Variants in TRAK1 observed in about 807,000 individuals in gnomAD.
TRAK1 encodes trafficking kinesin protein 1, also known as trafficking kinesin-binding protein 1.
Under a neutral mutation model 92.1 loss-of-function variants are expected in TRAK1, and 33 were observed. The observed-to-expected ratio is 0.36, with a 90% confidence interval of 0.27 to 0.48. The LOEUF (loss-of-function observed/expected upper bound fraction) is 0.48, where lower values mean the gene tolerates loss of function less well. TRAK1 is among the 20% of genes least tolerant of loss of function. The pLI is 0.99. For synonymous variants in TRAK1, 521 were observed against 517.3 expected, an observed-to-expected ratio of 1.01 and a Z score of -0.10; for missense variants, 1,123 against 1,257.9, an observed-to-expected ratio of 0.89 and a Z score of 1.62.
chr3:42,114,724 T>G (rs1036175001), intron 1 of TRAK1, among the ~76,000 whole-genome samples: 6 of 152,190 alleles, frequency 3.9e-5, no homozygotes, highest in Non-Finnish European at 8.8e-5. Context: ...TTTTTTTCTT[T>G]TTTTTTGAGA....
chr3:42,169,884 A>G (rs1702335723), intron 2 of TRAK1, among the ~76,000 whole-genome samples: 1 of 152,228 alleles, frequency 6.6e-6, no homozygotes, highest in Non-Finnish European at 1.5e-5. Context: ...AAGAGCTGAC[A>G]CTTGGATAGG....
At chr3:42,220,343 G>A (rs1577072666) in intron 15 of TRAK1, among the ~76,000 whole-genome samples, 1 of 152,172 alleles carries the variant, frequency 6.6e-6, no homozygotes, top group Non-Finnish European at 1.5e-5. Flanking sequence ...TTTCACTGCT[G>A]CCAGCAAAAG....
chr3:42,149,418 G>A, intron 2 of TRAK1: 1 of 1,496,746 alleles, frequency 6.7e-7, no homozygotes. Context: ...CCTAATTCTG[G>A]TGTGTTTCGG....
At chr3:42,028,437 A>G (rs1253142219) in intron 1 of TRAK1, among the ~76,000 whole-genome samples, 3 of 152,212 alleles carry the variant, frequency 2.0e-5, no homozygotes, top group Non-Finnish European at 4.4e-5. Context: ...ACAGTAAATG[A>G]GACAGTCCAG....
At chr3:42,157,083 C>T (rs1212059971) in intron 2 of TRAK1, among the ~76,000 whole-genome samples, 2 of 150,800 alleles carry the variant, frequency 1.3e-5, no homozygotes, top group Non-Finnish European at 2.9e-5. Flanking sequence ...ACCCAGGAGG[C>T]GGAGGTTGCA....
intron 1 of TRAK1, among the ~76,000 whole-genome samples, chr3:42,114,835 C>T (rs1050656804): frequency 1.3e-5 from 2 of 152,124 alleles, no homozygotes; most frequent in African/African-American, 4.8e-5. Context: ...ACCTCAGCCT[C>T]CCAAGTAGCT....
chr3:42,109,662 T>C (rs1333005792), intron 1 of TRAK1, among the ~76,000 whole-genome samples: 1 of 152,210 alleles, frequency 6.6e-6, no homozygotes, highest in Non-Finnish European at 1.5e-5. Context: ...CGTATGTTTA[T>C]TGTGGCACTA....
chr3:42,220,639 G>A (rs922038900), intron 15 of TRAK1: 2 of 981,950 alleles, frequency 2.0e-6, no homozygotes, highest in Non-Finnish European at 2.4e-6. Flanking sequence ...CCTGTGGAAG[G>A]AGCTGTGTGT....
intron 2 of TRAK1, among the ~76,000 whole-genome samples, chr3:42,169,772 C>T (rs1271897971): frequency 1.3e-5 from 2 of 152,136 alleles, no homozygotes; most frequent in Admixed American, 6.5e-5. Context: ...GTCACAACAG[C>T]CATTTGAAGA....
chr3:42,048,660 C>T (rs1702858610), intron 1 of TRAK1, among the ~76,000 whole-genome samples: 1 of 151,210 alleles, frequency 6.6e-6, no homozygotes, highest in Non-Finnish European at 1.5e-5. Flanking sequence ...ACCCTGGGCT[C>T]AAGGGATCCT....
intron 10 of TRAK1, among the ~76,000 whole-genome samples, chr3:42,197,106 C>T (rs1274180513): frequency 1.3e-5 from 2 of 151,294 alleles, no homozygotes; most frequent in East Asian, 3.9e-4. Flanking sequence ...AAATATTATT[C>T]CAGGAAGGAG....
intron 1 of TRAK1, among the ~76,000 whole-genome samples, chr3:42,094,350 G>A (rs1275165381): frequency 3.3e-5 from 5 of 152,164 alleles, no homozygotes; most frequent in African/African-American, 9.7e-5. Context: ...GAGCAAGTCA[G>A]GCTGAAACTA....
At chr3:42,107,995 T>G (rs1373137604) in intron 1 of TRAK1, among the ~76,000 whole-genome samples, 1 of 151,748 alleles carries the variant, frequency 6.6e-6, no homozygotes, top group African/African-American at 2.4e-5. Flanking sequence ...AATTCCAGGA[T>G]GTAGGGAAGG....
chr3:42,104,815 C>T (rs535417098), intron 1 of TRAK1, among the ~76,000 whole-genome samples: 13 of 152,274 alleles, frequency 8.5e-5, no homozygotes, highest in East Asian at 7.7e-4. Flanking sequence ...TGCAGCTCCT[C>T]GCCAGCAACG....
At chr3:42,027,295 G>C (rs977335395) in intron 1 of TRAK1, among the ~76,000 whole-genome samples, 1 of 152,096 alleles carries the variant, frequency 6.6e-6, no homozygotes, top group African/African-American at 2.4e-5. Context: ...AGGCCGAGAC[G>C]GGCGGATCAC....
In TRAK1 at chr3:42,069,930, C is replaced by T. The variant is rs370972978; in HGVS notation, c.-518-17174C>T. ...GCAGTGGCGCAGTCTCCCCTCACTGCAACTGCTGCCTCCCGGGTTCAAGCG... is the reference window on the plus strand; with the variant it reads ...GCAGTGGCGCAGTCTCCCCTCACTGTAACTGCTGCCTCCCGGGTTCAAGCG... On this transcript the variant is annotated intron_variant, in intron 1 of 16. Transcript: ENST00000487159. Among the ~76,000 whole-genome samples the T allele has an allele frequency of 3.7e-4, 56 of 152,142 alleles. 1 individual carries two copies. In the South Asian group the frequency reaches 0.012, roughly 32 times the overall value.
chr3:42,186,226 C>A (rs1704828450), intron 4 of TRAK1, among the ~76,000 whole-genome samples: 1 of 152,120 alleles, frequency 6.6e-6, no homozygotes, highest in Admixed American at 6.5e-5. Context: ...AAGCAATCCA[C>A]CCGCCTTGGT....
intron 14 of TRAK1, among the ~76,000 whole-genome samples, chr3:42,215,857 A>T (rs1012937352): frequency 6.6e-6 from 1 of 152,074 alleles, no homozygotes; most frequent in Non-Finnish European, 1.5e-5. Flanking sequence ...CTGGGTGTAT[A>T]TTGCACCCTC....
chr3:42,211,646 C>T, intron 14 of TRAK1: 3 of 985,304 alleles, frequency 3.0e-6, no homozygotes, highest in Non-Finnish European at 3.6e-6. Context: ...AAAGAAGCAC[C>T]ATTAAGTGCA....
Sources: gnomAD v4.1 joint callset for allele counts (sites outside exome capture counted in the v4.1 genomes callset) on GRCh38, gnomAD v4.1.1 for gene constraint, MANE v1.5 for transcripts, NCBI Gene and HGNC (gene_info 2026-07-23, HGNC 2026-07-21) for gene names.